The following CDH8 variants were observed in gnomAD, a reference collection of about 807,000 sequenced individuals.
CDH8 encodes the protein cadherin 8.
Under a neutral mutation model 68.1 loss-of-function variants are expected in CDH8, and 17 were observed. The ratio of observed to expected loss-of-function variants is 0.25; its 90% CI spans 0.17 to 0.37. The LOEUF is 0.37. Among genes scored for constraint, CDH8 ranks in the 10% least tolerant of loss-of-function variants. CDH8 has a pLI of 1.00. For synonymous variants in CDH8, 372 were observed against 365.1 expected, an observed-to-expected ratio of 1.02 and a Z score of -0.21; for missense variants, 763 against 999.3, an observed-to-expected ratio of 0.76 and a Z score of 3.19.
At chr16:61,746,168 A>G (rs575567510) in intron 8 of CDH8, among the ~76,000 whole-genome samples, 1 of 152,058 alleles carries the variant, frequency 6.6e-6, no homozygotes, top group Non-Finnish European at 1.5e-5. Flanking sequence ...AGATGTGGCC[A>G]ATTCATCAAG....
chr16:61,832,415 G>A (rs189879325), intron 4 of CDH8, among the ~76,000 whole-genome samples: 23 of 151,772 alleles, frequency 1.5e-4, no homozygotes, highest in African/African-American at 5.5e-4. Flanking sequence ...TAGAGAGACA[G>A]ATAAATAGAC....
intron 10 of CDH8, among the ~76,000 whole-genome samples, chr16:61,659,715 CAG>C (rs933010003): frequency 3.7e-4 from 56 of 152,198 alleles, no homozygotes; most frequent in African/African-American, 1.2e-3. Flanking sequence ...AGCTGTCCCT[CAG>C]AGAAACATGC....
chr16:61,688,217 T>A (rs1248551813), intron 10 of CDH8, among the ~76,000 whole-genome samples: 1 of 152,050 alleles, frequency 6.6e-6, no homozygotes, highest in Admixed American at 6.6e-5. Flanking sequence ...TACCCTTCCA[T>A]ACCCACCTCC....
intron 8 of CDH8, among the ~76,000 whole-genome samples, chr16:61,768,389 TCTCTCC>T (rs1960682453): frequency 5.0e-5 from 4 of 80,512 alleles, no homozygotes; most frequent in Non-Finnish European, 7.2e-5. Flanking sequence ...TCTCTCTCTC[TCTCTCC>T]CTTTCTCTCT....
intron 4 of CDH8, among the ~76,000 whole-genome samples, chr16:61,851,769 C>T (rs1962943404): frequency 6.6e-6 from 1 of 152,060 alleles, no homozygotes; most frequent in Non-Finnish European, 1.5e-5. Flanking sequence ...CTACTGCCTT[C>T]CATTTTCTCT....
chr16:61,754,897 T>G (rs866015875), intron 8 of CDH8, among the ~76,000 whole-genome samples: 7 of 152,090 alleles, frequency 4.6e-5, no homozygotes, highest in Non-Finnish European at 1.0e-4. Context: ...TACCCAACAG[T>G]TAGTTTTTCA....
At chr16:61,782,847 A>T (rs993643317) in intron 8 of CDH8, among the ~76,000 whole-genome samples, 1 of 152,172 alleles carries the variant, frequency 6.6e-6, no homozygotes, top group Non-Finnish European at 1.5e-5. Context: ...CTCACATGGC[A>T]GGGTATTCCA....
chr16:61,715,221 T>C (rs1964702799), intron 9 of CDH8, among the ~76,000 whole-genome samples: 1 of 151,670 alleles, frequency 6.6e-6, no homozygotes, highest in Non-Finnish European at 1.5e-5. Context: ...TTATAAATAA[T>C]TATAATTATT....
At chr16:61,717,050 T>A (rs73573272) in intron 9 of CDH8, among the ~76,000 whole-genome samples, 223 of 151,720 alleles carry the variant, frequency 1.5e-3, no homozygotes, top group African/African-American at 4.9e-3. Context: ...TACGATGACC[T>A]CAGCTGGTTT....
chr16:61,735,371 C>A (rs1027561753), intron 8 of CDH8, among the ~76,000 whole-genome samples: 1 of 152,030 alleles, frequency 6.6e-6, no homozygotes, highest in Non-Finnish European at 1.5e-5. Context: ...CAGAGATATG[C>A]GACATTAATG....
intron 2 of CDH8, among the ~76,000 whole-genome samples, chr16:61,999,779 T>A (rs1735562828): frequency 6.6e-6 from 1 of 151,904 alleles, no homozygotes; most frequent in African/African-American, 2.4e-5. Context: ...AAAAAAAAAA[T>A]TATAATGAAT....
At position 61,713,895 on chromosome 16, in the gene CDH8, T is replaced by C. The variant is rs1431889824; in HGVS notation, c.1600A>G (p.Ser534Gly). 1 of 1,609,392 alleles carries C rather than the reference T, an allele frequency of 6.2e-7. No homozygotes were observed. Among genetic ancestry groups the C allele is most frequent in the East Asian group, 2.2e-5 (1 of 44,768 alleles). ...TTGTTGACCATTTCTGGAAGGAGACTGTATAAGAAATAATGTCCGTTTTTG... is the reference window on the plus strand; with the variant it reads ...TTGTTGACCATTTCTGGAAGGAGACCGTATAAGAAATAATGTCCGTTTTTG... ...DPKNGHYFLY[S>G]LLPEMVNNPN... The change falls in exon 10 of 12, where the codon AGT becomes GGT. Residue 534 changes from serine to glycine, a missense_variant. Around this residue, in one of 2 missense-constraint regions of CDH8, gnomAD observed 397 missense variants for 436.2 expected, o/e 0.91. Coordinates refer to ENST00000577390, the MANE Select transcript of CDH8 (RefSeq NM_001796.5).
At chr16:61,895,448 G>A (rs1963854640) in intron 3 of CDH8, among the ~76,000 whole-genome samples, 1 of 152,054 alleles carries the variant, frequency 6.6e-6, no homozygotes, top group Non-Finnish European at 1.5e-5. Context: ...TAATAGTATT[G>A]TTGTGTATAT....
chr16:61,846,760 T>C (rs1413300739), intron 4 of CDH8, among the ~76,000 whole-genome samples: 2 of 152,114 alleles, frequency 1.3e-5, no homozygotes, highest in African/African-American at 4.8e-5. Flanking sequence ...GATCAATAAA[T>C]GGTAACTACC....
chr16:62,024,258 G>A (rs944047364), intron 1 of CDH8, among the ~76,000 whole-genome samples: 12 of 152,026 alleles, frequency 7.9e-5, no homozygotes, highest in African/African-American at 2.4e-4. Flanking sequence ...GCGGAGGGAG[G>A]GATAATTAAC....
At chr16:61,930,052 T>C (rs1464028096) in intron 2 of CDH8, among the ~76,000 whole-genome samples, 2 of 152,152 alleles carry the variant, frequency 1.3e-5, no homozygotes, top group Non-Finnish European at 2.9e-5. Flanking sequence ...ATGTAAGAGA[T>C]GGCATTTAAA....
intron 2 of CDH8, among the ~76,000 whole-genome samples, chr16:61,963,108 A>C (rs1597094862): frequency 6.6e-6 from 1 of 152,152 alleles, no homozygotes; most frequent in Non-Finnish European, 1.5e-5. Context: ...TGGATTCTGA[A>C]TATCAGGGCC....
intron 10 of CDH8, among the ~76,000 whole-genome samples, chr16:61,672,798 A>T (rs1283222914): frequency 6.6e-6 from 1 of 152,114 alleles, no homozygotes; most frequent in Non-Finnish European, 1.5e-5. Context: ...ATTCATATTG[A>T]GGAAGAGTTC....
chr16:61,964,852 G>C (rs1276502170), intron 2 of CDH8, among the ~76,000 whole-genome samples: 1 of 152,194 alleles, frequency 6.6e-6, no homozygotes, highest in African/African-American at 2.4e-5. Context: ...ATGTGAATTT[G>C]ATTATGTCTT....
Sources: allele counts gnomAD v4.1 joint callset (sites outside exome capture counted in the v4.1 genomes callset), GRCh38; gene constraint gnomAD v4.1.1; regional missense constraint gnomAD v4.1.1; transcripts MANE v1.5; gene names NCBI Gene and HGNC (gene_info 2026-07-23, HGNC 2026-07-21).